The following SCHIP1 variants were observed in gnomAD, a reference collection of about 807,000 sequenced individuals.
SCHIP1 encodes schwannomin interacting protein 1.
Under a neutral mutation model 29.7 loss-of-function variants are expected in SCHIP1, and 8 were observed. The observed-to-expected ratio is 0.27, with a 90% CI of 0.16 to 0.49. The LOEUF is 0.49. Among genes scored for constraint, SCHIP1 ranks in the 20% least tolerant of loss-of-function variants. SCHIP1 has a pLI of 0.99. For synonymous variants in SCHIP1, 76 were observed against 94.9 expected (o/e 0.80, Z 1.16); for missense variants, 193 against 294.6 (o/e 0.66, Z 2.52).
At chr3:159,773,540 A>C in the SCHIP1 span, among the ~76,000 whole-genome samples, 2 of 152,124 alleles carry the variant, frequency 1.3e-5, no homozygotes, top group African/African-American at 4.8e-5. Context: ...TTTTCTTTTA[A>C]AAATGAATGG....
the SCHIP1 span, among the ~76,000 whole-genome samples, chr3:159,589,020 T>A: frequency 6.6e-6 from 1 of 152,178 alleles, no homozygotes; most frequent in African/African-American, 2.4e-5. Context: ...GGTAGCTTGG[T>A]GGGGATGGTA....
the SCHIP1 span, among the ~76,000 whole-genome samples, chr3:159,346,189 GAA>G: frequency 1.4e-5 from 1 of 72,768 alleles, no homozygotes. Context: ...CTCTGTCTCA[GAA>G]AAAAAAAAAG....
chr3:159,703,087 G>C, the SCHIP1 span, among the ~76,000 whole-genome samples: 1 of 152,118 alleles, frequency 6.6e-6, no homozygotes, highest in South Asian at 2.1e-4. Flanking sequence ...TTGGGATCTT[G>C]AGCTGAATTC....
At chr3:159,737,393 A>G in the SCHIP1 span, among the ~76,000 whole-genome samples, 1 of 152,132 alleles carries the variant, frequency 6.6e-6, no homozygotes, top group African/African-American at 2.4e-5. Context: ...TGGAATTTCT[A>G]ACAAGTTTAC....
At chr3:159,626,681 A>C in the SCHIP1 span, among the ~76,000 whole-genome samples, 1 of 152,208 alleles carries the variant, frequency 6.6e-6, no homozygotes, top group Non-Finnish European at 1.5e-5. Flanking sequence ...CAGACTAACA[A>C]GACCATTCAG....
chr3:159,887,813 G>T, exon 4 of SCHIP1: 1 of 1,614,032 alleles, frequency 6.2e-7, no homozygotes, highest in South Asian at 1.1e-5. Context: ...GCAAGCTGAA[G>T]CCAAAATGGC....
chr3:159,774,943 T>C, the SCHIP1 span, among the ~76,000 whole-genome samples: 1 of 152,234 alleles, frequency 6.6e-6, no homozygotes, highest in Non-Finnish European at 1.5e-5. Flanking sequence ...ATCACATTAA[T>C]CATTTTTTTT....
the SCHIP1 span, among the ~76,000 whole-genome samples, chr3:159,313,189 A>C: frequency 6.6e-6 from 1 of 152,230 alleles, no homozygotes; most frequent in Non-Finnish European, 1.5e-5. Context: ...TAAGGATTAC[A>C]GAAGAAGATT....
the SCHIP1 span, among the ~76,000 whole-genome samples, chr3:159,714,844 C>G: frequency 6.6e-6 from 1 of 152,194 alleles, no homozygotes; most frequent in African/African-American, 2.4e-5. Context: ...CAAAAGGAGG[C>G]AAAACTTCTG....
intron 6 of SCHIP1, chr3:159,892,580 T>C: frequency 2.9e-6 from 1 of 347,868 alleles, no homozygotes; most frequent in Non-Finnish European, 5.2e-6. Context: ...AGCTCTTGTA[T>C]GATCCAGTTC....
At chr3:159,539,057 G>T in the SCHIP1 span, among the ~76,000 whole-genome samples, 1 of 151,990 alleles carries the variant, frequency 6.6e-6, no homozygotes, top group Non-Finnish European at 1.5e-5. Flanking sequence ...ATGGCTAATA[G>T]TAAGAATAGC....
the SCHIP1 span, among the ~76,000 whole-genome samples, chr3:159,597,747 A>C: frequency 6.6e-6 from 1 of 152,356 alleles, no homozygotes; most frequent in East Asian, 1.9e-4. Flanking sequence ...ACGAAAGTGC[A>C]ATATCCCTTT....
chr3:159,289,882 C>T, the SCHIP1 span, among the ~76,000 whole-genome samples: 1,258 of 152,246 alleles, frequency 8.3e-3, 117 homozygotes, highest in East Asian at 0.21. Flanking sequence ...GTAAGATAGA[C>T]GGAAAATCTT....
At chr3:159,791,506 C>T in the SCHIP1 span, among the ~76,000 whole-genome samples, 1 of 152,232 alleles carries the variant, frequency 6.6e-6, no homozygotes, top group Non-Finnish European at 1.5e-5. Flanking sequence ...ATCTGGCAAC[C>T]TCAGTCAAGT....
At chr3:159,288,519 TCTGAGGTTGGGAGCTCGAGATCAGC>T in the SCHIP1 span, among the ~76,000 whole-genome samples, 1 of 152,072 alleles carries the variant, frequency 6.6e-6, no homozygotes, top group African/African-American at 2.4e-5. Flanking sequence ...GGGCGGATCA[TCTGAGGTTGGGAGCTCGAGATCAGC>T]CTGATCAACA....
chr3:159,446,437 ATATTGTTGCAATACAGCAATACAG>A, the SCHIP1 span, among the ~76,000 whole-genome samples: 6 of 126,290 alleles, frequency 4.8e-5, no homozygotes, highest in Admixed American at 8.0e-5. Context: ...CAGCAATACA[ATATTGTTGCAATACAGCAATACAG>A]TATTGTTGCA....
chr3:159,387,421 A>ACTCACCT, the SCHIP1 span: 1 of 322,104 alleles, frequency 3.1e-6, no homozygotes, highest in South Asian at 2.8e-5. Flanking sequence ...ACTGGGAGCC[A>ACTCACCT]CTCACCTCTG....
the SCHIP1 span, among the ~76,000 whole-genome samples, chr3:159,831,438 G>A: frequency 2.0e-5 from 3 of 152,076 alleles, no homozygotes; most frequent in East Asian, 1.9e-4. Context: ...GCCTGAAACC[G>A]TGGATAGTCC....
chr3:159,839,628 C>CTTTTTTTTTTTT (rs3068349), upstream of SCHIP1, among the ~76,000 whole-genome samples: 4 of 71,710 alleles, frequency 5.6e-5, 1 homozygote, highest in Non-Finnish European at 4.9e-5. Context: ...AGGTCTTTTT[C>CTTTTTTTTTTTT]TTTTTTTTTT....
Sources: allele counts gnomAD v4.1 joint callset (sites outside exome capture counted in the v4.1 genomes callset), GRCh38; gene constraint gnomAD v4.1.1; transcripts MANE v1.5; gene names NCBI Gene and HGNC (gene_info 2026-07-23, HGNC 2026-07-21).